MMP26: variants seen among roughly 807,000 people sequenced by gnomAD.
MMP26 encodes the protein matrix metalloproteinase-26.
Under a neutral mutation model 31.0 loss-of-function variants are expected in MMP26, and 33 were observed. That is an observed-to-expected ratio of 1.06 (90% confidence interval 0.81 to 1.42). The LOEUF is 1.42. Ranked by LOEUF, MMP26 falls within the 40% of genes most tolerant of loss-of-function variation. MMP26 has a pLI of 0.00. For missense variants in MMP26, 347 were observed against 316.1 expected, an observed-to-expected ratio of 1.10 and a Z score of -0.74; for synonymous variants, 122 against 114.9, an observed-to-expected ratio of 1.06 and a Z score of -0.40.
chr11:4,822,034 C>T (rs778187577), intron 2 of MMP26: 6 of 1,613,966 alleles, frequency 3.7e-6, no homozygotes, highest in African/African-American at 2.7e-5. Flanking sequence ...TCTGTTTGCG[C>T]TTTTGTCCAC....
At position 4,895,483 on chromosome 11, in the gene MMP26, G is replaced by T. The variant is rs185751276; in HGVS notation, c.-144-92585G>T. On this transcript the variant is annotated intron_variant, in intron 2 of 7. Coordinates refer to ENST00000380390, the MANE Select transcript of MMP26 (RefSeq NM_021801.5). ...GCAGATCATTTGTTCTGCTGTCAGA[G>T]TTATCCTATTTCCAAATCCCTATCC... is the stretch of plus-strand genomic sequence containing the variant. Among the ~76,000 whole-genome samples, 6 of 152,316 alleles carry T rather than the reference G, an allele frequency of 3.9e-5. No homozygotes were observed. In the East Asian group the frequency reaches 1.2e-3, roughly 29 times the overall value.
chr11:4,898,880 T>G (rs1367702435), intron 2 of MMP26, among the ~76,000 whole-genome samples: 1 of 145,386 alleles, frequency 6.9e-6, no homozygotes, highest in Non-Finnish European at 1.5e-5. Flanking sequence ...TGTGTGTTCT[T>G]TCAAGAAAAA....
chr11:4,803,563 C>T (rs370070710), intron 2 of MMP26: 20 of 1,613,878 alleles, frequency 1.2e-5, no homozygotes, highest in Middle Eastern at 3.3e-4. Context: ...GTGTACAACT[C>T]GGGGCACATC....
At chr11:4,769,223 G>A in intron 2 of MMP26, 1 of 1,613,740 alleles carries the variant, frequency 6.2e-7, no homozygotes, top group Non-Finnish European at 8.5e-7. Context: ...TTCTTCAGGG[G>A]AGGCAATTCT....
intron 2 of MMP26, among the ~76,000 whole-genome samples, chr11:4,970,876 G>C (rs1026908851): frequency 1.3e-5 from 2 of 152,188 alleles, no homozygotes; most frequent in African/African-American, 4.8e-5. Flanking sequence ...AGGGGCTTAT[G>C]GTGCTGGTGC....
chr11:4,901,009 A>G (rs1012615165), intron 2 of MMP26, among the ~76,000 whole-genome samples: 1 of 152,098 alleles, frequency 6.6e-6, no homozygotes, highest in African/African-American at 2.4e-5. Context: ...TTACTCATTT[A>G]TGAACTAACT....
chr11:4,761,054 G>A lies in MMP26; in HGVS notation c.-216-6216G>A, dbSNP rs146300396. ...AAGTGAACAAAACAGTGGAGGGTGAGTGGAGTTAGAAGCTCAAAGGGCTTA... is the reference window on the plus strand; with the variant it reads ...AAGTGAACAAAACAGTGGAGGGTGAATGGAGTTAGAAGCTCAAAGGGCTTA... On this transcript the variant is annotated intron_variant, in intron 1 of 7. Transcript: ENST00000380390. Among the ~76,000 whole-genome samples, 133 of 152,304 alleles carry A rather than the reference G, an allele frequency of 8.7e-4. 1 individual carries two copies. Among genetic ancestry groups the A allele is most frequent in the Admixed American group, 2.9e-3 (45 of 15,294 alleles).
At chr11:4,889,585 C>T (rs960830702) in intron 2 of MMP26, 2 of 152,148 alleles carry the variant, frequency 1.3e-5, no homozygotes, top group African/African-American at 2.4e-5. Context: ...TTACTGACAC[C>T]GTTGTTGTAG....
intron 2 of MMP26, chr11:4,803,519 G>C (rs1373468248): frequency 1.2e-6 from 2 of 1,613,980 alleles, no homozygotes; most frequent in Non-Finnish European, 1.7e-6. Flanking sequence ...TTGAGCATGG[G>C]AGGTATCAGT....
At chr11:4,783,795 T>C (rs949195779) in intron 2 of MMP26, among the ~76,000 whole-genome samples, 7 of 152,172 alleles carry the variant, frequency 4.6e-5, no homozygotes, top group Non-Finnish European at 7.3e-5. Context: ...CAAGATCTGA[T>C]GGTTTGATAA....
chr11:4,868,073 T>C (rs1275993475), intron 2 of MMP26, among the ~76,000 whole-genome samples: 1 of 152,104 alleles, frequency 6.6e-6, no homozygotes, highest in East Asian at 1.9e-4. Flanking sequence ...TAAAAAGGAA[T>C]GAAATCATGT....
intron 2 of MMP26, among the ~76,000 whole-genome samples, chr11:4,961,351 C>T (rs550604618): frequency 1.3e-5 from 2 of 152,306 alleles, no homozygotes; most frequent in East Asian, 3.9e-4. Flanking sequence ...GGGCCCCTGG[C>T]TGATTCGATG....
intron 2 of MMP26, chr11:4,787,193 G>A (rs1396011043): frequency 6.6e-6 from 1 of 152,382 alleles, no homozygotes; most frequent in African/African-American, 2.4e-5. Flanking sequence ...CTAAAGATTG[G>A]TGTAGCAATA....
At chr11:4,749,839 C>G (rs1282590871) in intron 1 of MMP26, among the ~76,000 whole-genome samples, 1 of 152,030 alleles carries the variant, frequency 6.6e-6, no homozygotes, top group African/African-American at 2.4e-5. Flanking sequence ...AGAAGAAAAG[C>G]TAGGAAAAAC....
chr11:4,709,958 C>T (rs745353244), intron 1 of MMP26: 1 of 456,894 alleles, frequency 2.2e-6, no homozygotes, highest in Admixed American at 2.3e-5. Context: ...CCGTCTGTAA[C>T]CCACTGAGAT....
At chr11:4,981,570 A>C (rs1391802047) in intron 2 of MMP26, among the ~76,000 whole-genome samples, 1 of 152,136 alleles carries the variant, frequency 6.6e-6, no homozygotes, top group Non-Finnish European at 1.5e-5. Context: ...GCTCTGGGTG[A>C]GTCAGGGAGT....
chr11:4,968,647 A>T (rs1846627183), intron 2 of MMP26, among the ~76,000 whole-genome samples: 1 of 152,012 alleles, frequency 6.6e-6, no homozygotes, highest in East Asian at 1.9e-4. Context: ...ATTACTAAAA[A>T]GGTATAGAAA....
intron 2 of MMP26, among the ~76,000 whole-genome samples, chr11:4,970,718 C>G (rs759791349): frequency 6.6e-6 from 1 of 152,284 alleles, no homozygotes; most frequent in African/African-American, 2.4e-5. Flanking sequence ...ATGGTCTGTC[C>G]TTGAACCCTT....
At position 4,714,696 on chromosome 11, in the gene MMP26, G is replaced by A. The variant is rs113314923; in HGVS notation, c.-217+9651G>A. ...AAATTTGAACCTAGGTTTGTATGACGGTATAACAATATCACTTACTCTGTA... is the reference window on the plus strand; with the variant it reads ...AAATTTGAACCTAGGTTTGTATGACAGTATAACAATATCACTTACTCTGTA... On this transcript the variant is annotated intron_variant, in intron 1 of 7. Transcript: ENST00000380390. Among the ~76,000 whole-genome samples the A allele has an allele frequency of 2.9e-4, 44 of 151,984 alleles. 1 individual carries two copies. Among genetic ancestry groups the A allele is most frequent in the African/African-American group, 8.2e-4 (34 of 41,450 alleles).
Sources: gnomAD v4.1 joint callset for allele counts (sites outside exome capture counted in the v4.1 genomes callset) on GRCh38, gnomAD v4.1.1 for gene constraint, MANE v1.5 for transcripts, NCBI Gene and HGNC (gene_info 2026-07-23, HGNC 2026-07-21) for gene names.